BCORL1: variants seen among roughly 807,000 people sequenced by gnomAD.
The protein encoded by BCORL1 is BCL6 corepressor like 1, also known as BCL-6 corepressor-like protein 1.
BCORL1 carries 7 observed loss-of-function variants against 87.6 expected under a neutral mutation model. That is an observed-to-expected ratio of 0.08 (90% confidence interval 0.05 to 0.15). The LOEUF is 0.15. BCORL1 is among the 10% of genes least tolerant of loss of function. The probability of loss-of-function intolerance (pLI) is 1.00; values close to 1 mark genes in which losing one functional copy is unlikely to be tolerated. For synonymous variants in BCORL1, 591 were observed against 634.4 expected (o/e 0.93, Z 1.03); for missense variants, 1,215 against 1,499.7 (o/e 0.81, Z 3.13).
intron 11 of BCORL1, among the ~76,000 whole-genome samples, chrX:130,044,768 C>T (rs1478888797): frequency 8.9e-6 from 1 of 112,181 alleles, no homozygotes; most frequent in Non-Finnish European, 1.9e-5. Context: ...CTCGGCCTCC[C>T]AAAGTGCTGG....
rs1293025980 is a variant in BCORL1, at chrX:130,013,637, G to T, written c.865G>T (p.Ala289Ser). 37 of 1,208,916 alleles carry T rather than the reference G, an allele frequency of 3.1e-5. No individual in the cohort carries two copies. The highest frequency in any genetic ancestry group is 3.9e-5 in the Non-Finnish European group (35 of 894,990). Reference sequence around the variant, plus strand: ...AGTCTTGGTGCCTGTGCCAGCTTCTGCTCCCCCTTCAGGCCCGGTTCCCTT... The same window carrying T: ...AGTCTTGGTGCCTGTGCCAGCTTCTTCTCCCCCTTCAGGCCCGGTTCCCTT... The part of the protein sequence containing the change: ...ASVLVPVPAS[A>S]PPSGPVPLSA... The change falls in exon 4 of 14, where the codon GCT becomes TCT. Residue 289 changes from alanine (A) to serine (S), a missense_variant. Around this residue, in one of 5 missense-constraint regions of BCORL1, gnomAD observed 861 missense variants for 1,010.0 expected, o/e 0.85. Coordinates refer to ENST00000540052, the MANE Select transcript of BCORL1 (RefSeq NM_001379451.1).
At chrX:130,011,081 G>A (rs1199700202) in intron 2 of BCORL1, among the ~76,000 whole-genome samples, 1 of 102,308 alleles carries the variant, frequency 9.8e-6, no homozygotes, top group African/African-American at 3.5e-5. Context: ...CAGGCACAGT[G>A]TATTTCCCCA....
chrX:130,035,114 C>G (rs1267581612), intron 9 of BCORL1, among the ~76,000 whole-genome samples: 1 of 111,560 alleles, frequency 9.0e-6, no homozygotes, highest in African/African-American at 3.3e-5. Flanking sequence ...TACTACTACC[C>G]TATAGATTAG....
At position 130,055,751 on chromosome X, in the gene BCORL1, T is replaced by C. The variant is rs183469624; in HGVS notation, c.5076-103T>C. 2.1e-3 allele frequency: 1,902 copies of C among 886,632 alleles called. 4 individuals are homozygous for C. The highest frequency in any genetic ancestry group is 2.3e-3 in the Non-Finnish European group (1,487 of 634,816). 73.1% of individuals were successfully genotyped at this position (886,632 alleles called of 1,213,427 possible). On this transcript the variant is annotated intron_variant, in intron 13 of 13. Transcript: ENST00000540052. ...TGGCAGTGAGTTATAATGGGAGACA[T>C]TGATGGTCGTGCAGCCTTTGTGGGC...
At chrX:130,036,032 C>T (rs1787444271) in intron 9 of BCORL1, among the ~76,000 whole-genome samples, 1 of 112,733 alleles carries the variant, frequency 8.9e-6, no homozygotes, top group African/African-American at 3.2e-5. Flanking sequence ...GCCCATCTCC[C>T]CAGTGCCCCA....
Position 130,014,583 on chromosome X carries a change from C to T in BCORL1, c.1811C>T (p.Pro604Leu). ...GTTACCTTCTCTCCTCTTAAGTCAC[C>T]GCCACAGCTGGAACGAGAGATGGCC... ...TSVTFSPLKS[P>L]PQLEREMASP... is the part of the protein sequence containing the mutation. Residue 604 changes from proline (P) to leucine (L), a missense_variant, in exon 4 of 14, where the codon CCG becomes CTG. Transcript: ENST00000540052. 1.7e-6 allele frequency: 2 copies of T among 1,211,586 alleles called. No individual in the cohort carries two copies. Among genetic ancestry groups the T allele is most frequent in the Non-Finnish European group, 1.1e-6 (1 of 895,433 alleles).
At chrX:130,010,114 G>A (rs1027832303) in intron 2 of BCORL1, among the ~76,000 whole-genome samples, 10 of 112,043 alleles carry the variant, frequency 8.9e-5, no homozygotes, top group East Asian at 8.4e-4. Context: ...AGCTGCCTTC[G>A]ACGGCAGGGA....
chrX:130,037,556 C>G (rs779504524), intron 10 of BCORL1, 23 bp downstream of exon 10: 69 of 1,179,975 alleles, frequency 5.8e-5, no homozygotes, highest in Middle Eastern at 2.4e-4. Flanking sequence ...CATCTCCCCC[C>G]AGTCCCGCCC....
intron 1 of BCORL1, among the ~76,000 whole-genome samples, chrX:129,997,961 A>C (rs1005223901): frequency 1.1e-4 from 11 of 103,724 alleles, no homozygotes; most frequent in African/African-American, 3.9e-4. Context: ...TTCTCTGTGC[A>C]TGTGCCTCCT....
intron 1 of BCORL1, among the ~76,000 whole-genome samples, chrX:129,989,737 G>A (rs1174251184): frequency 1.9e-5 from 2 of 106,259 alleles, no homozygotes; most frequent in African/African-American, 6.9e-5. Context: ...AACATGTTGG[G>A]ATTACAGGCA....
chrX:130,031,135 G>T (rs1930577114), intron 8 of BCORL1, among the ~76,000 whole-genome samples: 1 of 112,892 alleles, frequency 8.9e-6, no homozygotes. Flanking sequence ...GGCAGCTTTG[G>T]CCCCCAGAAA....
chrX:130,008,366 C>T (rs974804664), intron 2 of BCORL1, among the ~76,000 whole-genome samples: 5 of 109,778 alleles, frequency 4.6e-5, no homozygotes, highest in Non-Finnish European at 9.5e-5. Flanking sequence ...CGGGTTCAAA[C>T]GATTCTCCTG....
At chrX:130,011,075 C>T (rs909698213) in intron 2 of BCORL1, among the ~76,000 whole-genome samples, 2 of 101,281 alleles carry the variant, frequency 2.0e-5, no homozygotes, top group Middle Eastern at 5.2e-3. Context: ...TCACCTCAGG[C>T]ACAGTGTATT....
chrX:130,017,788 G>A (rs892707227), intron 4 of BCORL1, among the ~76,000 whole-genome samples: 1 of 110,107 alleles, frequency 9.1e-6, no homozygotes, highest in Non-Finnish European at 1.9e-5. Flanking sequence ...CCACAGGTGT[G>A]TACCACTACA....
At chrX:130,024,929 C>T (rs915764721) in intron 6 of BCORL1, 61 bp from the exon 7 acceptor site, 6 of 1,168,007 alleles carry the variant, frequency 5.1e-6, no homozygotes, top group South Asian at 2.0e-5. Flanking sequence ...GCATTCACTT[C>T]GACACCATGC....
Position 130,013,357 on chromosome X carries a change from C to T in BCORL1, c.585C>T (p.Asn195=), listed in dbSNP as rs1196185714. The T allele has an allele frequency of 2.5e-6, 3 of 1,209,229 alleles. No individual in the cohort carries two copies. Among genetic ancestry groups the T allele is most frequent in the Non-Finnish European group, 3.4e-6 (3 of 894,740 alleles). ...VEGTLPLVTT[N]FSPLPAPICP... is the part of the protein sequence containing the mutation. ...GGACCCTGCCCCTGGTTACCACTAACTTCAGTCCTCTGCCAGCCCCTATCT... is the reference window on the plus strand; with the variant it reads ...GGACCCTGCCCCTGGTTACCACTAATTTCAGTCCTCTGCCAGCCCCTATCT... Residue 195 remains asparagine, a synonymous_variant, in exon 4 of 14, where the codon AAC becomes AAT. Coordinates refer to ENST00000540052, the MANE Select transcript of BCORL1 (RefSeq NM_001379451.1).
In BCORL1 at chrX:130,040,403, G is replaced by A. The variant is rs765251087; in HGVS notation, c.4840+1121G>A. On this transcript the variant is annotated intron_variant, in intron 11 of 13. Coordinates refer to ENST00000540052, the MANE Select transcript of BCORL1 (RefSeq NM_001379451.1). Reference sequence around the variant, plus strand: ...ACTAAAGGCTCTTATGGAAGGGGAGGACTAGGTAGGCGGTGAGTGGGGGGT... The same window carrying A: ...ACTAAAGGCTCTTATGGAAGGGGAGAACTAGGTAGGCGGTGAGTGGGGGGT... Among the ~76,000 whole-genome samples the A allele has an allele frequency of 1.4e-4, 16 of 112,560 alleles. No individual in the cohort carries two copies. The Middle Eastern group carries it at 0.018, about 130-fold the overall frequency.
Position 129,996,674 on chromosome X carries a change from G to A in BCORL1, c.-44-8514G>A, listed in dbSNP as rs779994145. Among the ~76,000 whole-genome samples the A allele has an allele frequency of 4.5e-5, 5 of 111,465 alleles. No individual in the cohort carries two copies. The East Asian group carries it at 1.4e-3, about 31-fold the overall frequency. On this transcript the variant is annotated intron_variant, in intron 1 of 13. Transcript: ENST00000540052. ...CTCTTTGTCACCCAGGCTAGAGTAC[G>A]GTGGCGTGATCTTAGCTCACTGTGG...
chrX:130,017,425 G>A (rs1432455162), intron 4 of BCORL1, among the ~76,000 whole-genome samples: 2 of 111,158 alleles, frequency 1.8e-5, no homozygotes, highest in Non-Finnish European at 3.8e-5. Context: ...TGTCGTTAGA[G>A]TTGTGTTTTT....
Sources: allele counts gnomAD v4.1 joint callset (sites outside exome capture counted in the v4.1 genomes callset), GRCh38; gene constraint gnomAD v4.1.1; regional missense constraint gnomAD v4.1.1; transcripts MANE v1.5; gene names NCBI Gene and HGNC (gene_info 2026-07-23, HGNC 2026-07-21).